The following LRRC37A2 variants were observed in gnomAD, a reference collection of about 807,000 sequenced individuals.
LRRC37A2 encodes leucine-rich repeat-containing protein 37A2.
In LRRC37A2, 9 loss-of-function variants were observed where a neutral mutation model predicts 68.8. The observed-to-expected ratio is 0.13, with a 90% confidence interval of 0.08 to 0.23. The LOEUF (loss-of-function observed/expected upper bound fraction) is 0.23, where lower values mean the gene tolerates loss of function less well. Ranked by LOEUF, LRRC37A2 falls within the 10% of genes least tolerant of loss-of-function variation. The pLI is 1.00. For missense variants in LRRC37A2, 168 were observed against 950.4 expected (o/e 0.18, Z 10.82); for synonymous variants, 63 against 367.6 (o/e 0.17, Z 9.48).
chr17:46,487,005 A>G, the LRRC37A2 span: 1 of 677,064 alleles, frequency 1.5e-6, no homozygotes, highest in Non-Finnish European at 2.2e-6. Flanking sequence ...CTATTCTTAA[A>G]TCTTGGAAGT....
chr17:46,403,465 G>A, the LRRC37A2 span, among the ~76,000 whole-genome samples: 1 of 53,030 alleles, frequency 1.9e-5, no homozygotes, highest in Non-Finnish European at 4.1e-5. Flanking sequence ...CTGAGAATGC[G>A]CCACTGCATT....
At chr17:46,943,388 T>C in the LRRC37A2 span, among the ~76,000 whole-genome samples, 1 of 152,212 alleles carries the variant, frequency 6.6e-6, no homozygotes, top group Non-Finnish European at 1.5e-5. Flanking sequence ...TGCCTGGTGT[T>C]CCGTCCTCCC....
the LRRC37A2 span, among the ~76,000 whole-genome samples, chr17:46,897,944 G>A: frequency 6.6e-6 from 1 of 152,194 alleles, no homozygotes. Context: ...CAGGACCCAG[G>A]TGAGGACTGC....
chr17:47,000,080 A>AAT, the LRRC37A2 span, among the ~76,000 whole-genome samples: 2 of 8,954 alleles, frequency 2.2e-4, 1 homozygote, highest in African/African-American at 4.9e-4. Flanking sequence ...AAAATAAAAA[A>AAT]TAAAATAAAA....
At chr17:47,017,683 T>C in the LRRC37A2 span, 72 of 1,610,942 alleles carry the variant, frequency 4.5e-5, no homozygotes, top group Non-Finnish European at 5.4e-5. Flanking sequence ...GCTGAGATTA[T>C]TGGAATTATA....
chr17:47,023,661 C>A, the LRRC37A2 span, among the ~76,000 whole-genome samples: 1 of 152,052 alleles, frequency 6.6e-6, no homozygotes, highest in Non-Finnish European at 1.5e-5. Context: ...ATGGTGCGAT[C>A]TTGGCTCACT....
the LRRC37A2 span, among the ~76,000 whole-genome samples, chr17:46,622,704 G>A: frequency 6.8e-6 from 1 of 146,408 alleles, no homozygotes; most frequent in Non-Finnish European, 1.5e-5. Flanking sequence ...AACCAGGGAG[G>A]CAGAGATTGC....
At chr17:46,585,201 T>G in the LRRC37A2 span, among the ~76,000 whole-genome samples, 1 of 148,252 alleles carries the variant, frequency 6.7e-6, no homozygotes, top group South Asian at 2.1e-4. Context: ...CGTGTAAATC[T>G]CAACTACTTG....
chr17:46,907,179 C>T, the LRRC37A2 span, among the ~76,000 whole-genome samples: 1 of 152,210 alleles, frequency 6.6e-6, no homozygotes, highest in Non-Finnish European at 1.5e-5. Flanking sequence ...GGTCAACAGA[C>T]AGCAGAGGGC....
At chr17:46,933,218 A>G in the LRRC37A2 span, 1 of 152,264 alleles carries the variant, frequency 6.6e-6, no homozygotes, top group Non-Finnish European at 1.5e-5. Context: ...GCCTGGCGTG[A>G]TGCTGTGCAC....
the LRRC37A2 span, among the ~76,000 whole-genome samples, chr17:46,569,417 G>A: frequency 6.6e-6 from 1 of 150,630 alleles, no homozygotes; most frequent in African/African-American, 2.5e-5. Context: ...AAGGCATCAT[G>A]TCTGGGATGG....
the LRRC37A2 span, among the ~76,000 whole-genome samples, chr17:46,839,370 G>A: frequency 2.8e-4 from 43 of 152,288 alleles, no homozygotes; most frequent in African/African-American, 4.3e-4. Flanking sequence ...AGCCCCTGGC[G>A]GGTCCAGGCA....
the LRRC37A2 span, chr17:46,751,732 A>G: frequency 6.7e-6 from 4 of 600,364 alleles, no homozygotes; most frequent in South Asian, 9.7e-5. Context: ...ATTTTCTTAT[A>G]TTATTTCCAA....
chr17:46,659,756 G>T, the LRRC37A2 span, among the ~76,000 whole-genome samples: 481 of 145,742 alleles, frequency 3.3e-3, 19 homozygotes, highest in Non-Finnish European at 4.8e-3. Context: ...CTAACAAGAG[G>T]ACATTTATCA....
the LRRC37A2 span, among the ~76,000 whole-genome samples, chr17:46,854,463 G>A: frequency 1.3e-5 from 2 of 152,208 alleles, no homozygotes; most frequent in Non-Finnish European, 2.9e-5. Flanking sequence ...AGAGTTGGAA[G>A]TGACCCCAGA....
the LRRC37A2 span, chr17:46,721,533 CT>C: frequency 1.7e-6 from 2 of 1,168,738 alleles, no homozygotes; most frequent in African/African-American, 3.0e-5. Context: ...ACTATACATT[CT>C]TTTTCTGTGT....
At chr17:46,733,041 C>T in the LRRC37A2 span, among the ~76,000 whole-genome samples, 1 of 152,284 alleles carries the variant, frequency 6.6e-6, no homozygotes, top group Middle Eastern at 3.4e-3. Context: ...GTTCACCCTC[C>T]CTGAGCTGGA....
chr17:46,897,053 G>A, the LRRC37A2 span, among the ~76,000 whole-genome samples: 1,271 of 152,190 alleles, frequency 8.4e-3, 14 homozygotes, highest in African/African-American at 0.029. Flanking sequence ...GGAGGAGGTC[G>A]CTAGATAAAC....
At chr17:46,740,876 G>A in the LRRC37A2 span, among the ~76,000 whole-genome samples, 3 of 151,980 alleles carry the variant, frequency 2.0e-5, no homozygotes, top group African/African-American at 7.3e-5. Context: ...TGGCCAGGCT[G>A]GTCTTGAAAT....
Sources: gnomAD v4.1 joint callset for allele counts (sites outside exome capture counted in the v4.1 genomes callset) on GRCh38, gnomAD v4.1.1 for gene constraint, MANE v1.5 for transcripts, NCBI Gene and HGNC (gene_info 2026-07-23, HGNC 2026-07-21) for gene names.